Variants in FAT3 observed in about 807,000 individuals in gnomAD.
FAT3 encodes protocadherin Fat 3.
FAT3 carries 95 observed loss-of-function variants against 310.2 expected under a neutral mutation model. That is an observed-to-expected ratio of 0.31 (90% CI 0.26 to 0.36). FAT3 has a LOEUF of 0.36. Among genes scored for constraint, FAT3 ranks in the 10% least tolerant of loss-of-function variants. The pLI, the probability that FAT3 is intolerant of heterozygous loss-of-function variation, is 1.00. For synonymous variants in FAT3, 2,314 were observed against 2,192.9 expected (o/e 1.06, Z -1.54); for missense variants, 5,408 against 5,715.6 (o/e 0.95, Z 1.74).
chr11:92,492,968 T>C (rs1952651263), intron 2 of FAT3, among the ~76,000 whole-genome samples: 1 of 151,748 alleles, frequency 6.6e-6, no homozygotes. Flanking sequence ...GTTAACAGAG[T>C]TTCTGTTTTG....
In FAT3 at chr11:92,754,091, T is replaced by C. The variant is rs1020186703; in HGVS notation, c.3670-7765T>C. 2.0e-5 allele frequency among the ~76,000 whole-genome samples: 3 copies of C among 151,900 alleles called. No homozygotes were observed. The South Asian group carries it at 6.3e-4, about 32-fold the overall frequency. On this transcript the variant is annotated intron_variant, in intron 4 of 27. Coordinates refer to ENST00000525166, the MANE Select transcript of FAT3 (RefSeq NM_001367949.2). The stretch of plus-strand genomic sequence containing the variant: ...CACAAGTCACCACTAAAGAACTTAA[T>C]CATGTAGCCAAATACCACCTGTACC...
chr11:92,834,240 C>G (rs1322532368), intron 14 of FAT3, among the ~76,000 whole-genome samples: 1 of 152,208 alleles, frequency 6.6e-6, no homozygotes, highest in Non-Finnish European at 1.5e-5. Context: ...ATTATCATCT[C>G]TCTTCTGTAG....
intron 1 of FAT3, among the ~76,000 whole-genome samples, chr11:92,306,964 T>C (rs542476498): frequency 1.3e-5 from 2 of 150,176 alleles, no homozygotes; most frequent in South Asian, 4.2e-4. Context: ...CTATTTTTTT[T>C]TTAATTTTAT....
intron 2 of FAT3, among the ~76,000 whole-genome samples, chr11:92,412,229 A>G (rs1163808784): frequency 6.6e-6 from 1 of 151,728 alleles, no homozygotes; most frequent in Admixed American, 6.6e-5. Context: ...CATCCTCCTG[A>G]GTAGCTGGGA....
At chr11:92,563,403 A>G (rs78386976) in intron 3 of FAT3, among the ~76,000 whole-genome samples, 1,962 of 152,202 alleles carry the variant, frequency 0.013, 42 homozygotes, top group African/African-American at 0.044. Context: ...TTCCCCCAAT[A>G]TTTTGTGATT....
chr11:92,751,390 G>A (rs750260367), intron 4 of FAT3, among the ~76,000 whole-genome samples: 1 of 152,168 alleles, frequency 6.6e-6, no homozygotes, highest in Non-Finnish European at 1.5e-5. Flanking sequence ...TAAATAAGAC[G>A]TAGAGAGAAA....
At chr11:92,414,384 C>T (rs756929134) in intron 2 of FAT3, among the ~76,000 whole-genome samples, 1 of 152,164 alleles carries the variant, frequency 6.6e-6, no homozygotes, top group Non-Finnish European at 1.5e-5. Context: ...ATTTGGTGAT[C>T]TGGTCAATAC....
At chr11:92,871,869 ACT>A (rs1356823448) in intron 22 of FAT3, among the ~76,000 whole-genome samples, 18 of 152,030 alleles carry the variant, frequency 1.2e-4, no homozygotes, top group Non-Finnish European at 1.9e-4. Context: ...AATCCTGAAA[ACT>A]CTATATTTGA....
At position 92,894,367 on chromosome 11, in the gene FAT3, G is replaced by A. The variant is rs1285017178; in HGVS notation, c.*3254G>A. 2.0e-5 allele frequency: 3 copies of A among 151,830 alleles called. No homozygotes were observed. Among genetic ancestry groups the A allele is most frequent in the Admixed American group, 6.6e-5 (1 of 15,224 alleles). The allele number at this position is 151,830 out of a possible 1,614,324, so 9.4% of individuals were successfully genotyped here. ...CCTACTGGTTGCATTTTTGGTTTTG[G>A]TTTTGCATTTTTTTCTTCCCACAAA... On this transcript the variant is annotated 3_prime_UTR_variant, in exon 28 of 28. Coordinates refer to ENST00000525166, the MANE Select transcript of FAT3 (RefSeq NM_001367949.2).
chr11:92,860,072 G>A (rs1038083331), intron 21 of FAT3, among the ~76,000 whole-genome samples: 2 of 152,090 alleles, frequency 1.3e-5, no homozygotes, highest in African/African-American at 4.8e-5. Flanking sequence ...CATGGTAGTC[G>A]GCACCTATAA....
intron 3 of FAT3, among the ~76,000 whole-genome samples, chr11:92,598,954 C>T (rs1939864373): frequency 6.6e-6 from 1 of 152,168 alleles, no homozygotes; most frequent in African/African-American, 2.4e-5. Context: ...CTCTCATAAT[C>T]GTTTTGACTC....
intron 23 of FAT3, 101 bp downstream of exon 23, chr11:92,880,985 C>G: frequency 7.7e-7 from 1 of 1,304,382 alleles, no homozygotes; most frequent in Non-Finnish European, 1.1e-6. Context: ...ACTAATAGTA[C>G]AGGCAAAGGG....
intron 2 of FAT3, among the ~76,000 whole-genome samples, chr11:92,511,590 T>A (rs1953292788): frequency 6.6e-6 from 1 of 152,112 alleles, no homozygotes; most frequent in Admixed American, 6.6e-5. Flanking sequence ...CACAGTAGGA[T>A]GGTAGAGGGA....
intron 2 of FAT3, among the ~76,000 whole-genome samples, chr11:92,409,244 CGTGT>C (rs1005447993): frequency 2.0e-5 from 3 of 148,966 alleles, no homozygotes; most frequent in African/African-American, 5.0e-5. Flanking sequence ...ATGAAGCTTT[CGTGT>C]GTGTGTGTGT....
intron 2 of FAT3, among the ~76,000 whole-genome samples, chr11:92,507,552 G>A (rs1213429687): frequency 2.0e-5 from 3 of 151,332 alleles, no homozygotes; most frequent in African/African-American, 4.9e-5. Flanking sequence ...TATATAGGGT[G>A]TATATATATA....
intron 1 of FAT3, among the ~76,000 whole-genome samples, chr11:92,289,532 C>CACACAT (rs1468385289): frequency 6.8e-6 from 1 of 147,348 alleles, no homozygotes; most frequent in Admixed American, 6.6e-5. Context: ...CACACACACA[C>CACACAT]ACACATATAT....
chr11:92,788,308 G>A (rs12361425), intron 7 of FAT3, among the ~76,000 whole-genome samples: 5,202 of 152,164 alleles, frequency 0.034, 146 homozygotes, highest in Middle Eastern at 0.071. Flanking sequence ...AAACAAATCA[G>A]ATGTGATTAA....
intron 2 of FAT3, among the ~76,000 whole-genome samples, chr11:92,454,237 T>G (rs1189423748): frequency 2.0e-5 from 3 of 152,002 alleles, no homozygotes; most frequent in Admixed American, 2.0e-4. Flanking sequence ...TGGCTACCAT[T>G]TGGGATGATG....
At chr11:92,259,287 G>A (rs1220690373) in intron 1 of FAT3, among the ~76,000 whole-genome samples, 1 of 152,092 alleles carries the variant, frequency 6.6e-6, no homozygotes, top group Non-Finnish European at 1.5e-5. Flanking sequence ...ACTTTCTCCT[G>A]CTGCATAAGA....
Sources: gnomAD v4.1 joint callset for allele counts (sites outside exome capture counted in the v4.1 genomes callset) on GRCh38, gnomAD v4.1.1 for gene constraint, MANE v1.5 for transcripts, NCBI Gene and HGNC (gene_info 2026-07-23, HGNC 2026-07-21) for gene names.